ARF4: variants seen among roughly 807,000 people sequenced by gnomAD.
The protein encoded by ARF4 is ADP-ribosylation factor 4.
In ARF4, 5 loss-of-function variants were observed where a neutral mutation model predicts 24.3. The observed-to-expected ratio is 0.21, with a 90% CI of 0.11 to 0.43. The LOEUF is 0.43. Ranked by LOEUF, ARF4 falls within the 20% of genes least tolerant of loss-of-function variation. The pLI, the probability that ARF4 is intolerant of heterozygous loss-of-function variation, is 1.00. For missense variants in ARF4, 107 were observed against 213.0 expected (o/e 0.50, Z 3.10); for synonymous variants, 62 against 73.5 (o/e 0.84, Z 0.80).
chr3:57,578,313 G>A lies in ARF4; in HGVS notation c.259-926C>T, dbSNP rs143795262. Among the ~76,000 whole-genome samples, 399 of 151,516 alleles carry A rather than the reference G, an allele frequency of 2.6e-3. 1 individual carries two copies. Among genetic ancestry groups the A allele is most frequent in the African/African-American group, 9.2e-3 (382 of 41,368 alleles). ...CTCACTCCTGTAATCCCAGCACTATGGGAAGCCAAGGCAGGAGGATCACTG... is the reference window on the plus strand; with the variant it reads ...CTCACTCCTGTAATCCCAGCACTATAGGAAGCCAAGGCAGGAGGATCACTG... On this transcript the variant is annotated intron_variant, in intron 3 of 5. Transcript: ENST00000303436.
chr3:57,593,693 TAAC>T (rs1429752743), intron 1 of ARF4, among the ~76,000 whole-genome samples: 1 of 152,306 alleles, frequency 6.6e-6, no homozygotes, highest in Non-Finnish European at 1.5e-5. Flanking sequence ...AGGATTCACT[TAAC>T]AACATTACAT....
In ARF4 at chr3:57,579,034, C is replaced by T. The variant is rs576125932; in HGVS notation, c.259-1647G>A. 6.6e-4 allele frequency among the ~76,000 whole-genome samples: 101 copies of T among 152,066 alleles called. 3 individuals carry two copies. The South Asian group carries it at 0.021, about 31-fold the overall frequency. ...TAACGAGGCTGGTTGAGGTGGCTTT[C>T]GCCTGTAATCCCAGCATTCTGGGAG... On this transcript the variant is annotated intron_variant, in intron 3 of 5. Transcript: ENST00000303436.
chr3:57,590,699 G>A (rs779619208), intron 1 of ARF4, among the ~76,000 whole-genome samples: 1 of 151,928 alleles, frequency 6.6e-6, no homozygotes, highest in East Asian at 1.9e-4. Flanking sequence ...TGTTTTTTGA[G>A]ACAGGGTCTC....
rs75274038 is a variant in ARF4, at chr3:57,574,911, C to T, written c.456+637G>A. On this transcript the variant is annotated intron_variant, in intron 5 of 5. Transcript: ENST00000303436. ...TTGCCCAGGCTGGAGTGCAGTGGCG[C>T]GATCGCGACTCACCGCAACCTCCAC... is the stretch of plus-strand genomic sequence containing the variant. Among the ~76,000 whole-genome samples the T allele has an allele frequency of 0.011, 1,656 of 150,732 alleles. 59 individuals carry two copies. In the East Asian group the frequency reaches 0.12, roughly 11 times the overall value.
intron 3 of ARF4, among the ~76,000 whole-genome samples, chr3:57,578,938 T>A (rs1039761778): frequency 5.3e-5 from 8 of 152,094 alleles, no homozygotes; most frequent in African/African-American, 1.7e-4. Context: ...AAGATAAACC[T>A]TGACTCCTAA....
intron 1 of ARF4, among the ~76,000 whole-genome samples, chr3:57,593,564 A>T (rs2070140231): frequency 6.6e-6 from 1 of 152,224 alleles, no homozygotes; most frequent in Admixed American, 6.5e-5. Context: ...CAAACTTTTT[A>T]AAAGTAACAC....
chr3:57,593,484 C>T (rs2070139472), intron 1 of ARF4, among the ~76,000 whole-genome samples: 2 of 152,190 alleles, frequency 1.3e-5, no homozygotes, highest in South Asian at 4.1e-4. Context: ...CATCTCTAGA[C>T]CCCCAAAACC....
rs2069841091 is a variant in ARF4, at chr3:57,571,396, C to T, written c.*816G>A. 6.6e-6 allele frequency: 1 copy of T among 152,426 alleles called. No individual in the cohort carries two copies. The highest frequency in any genetic ancestry group is 2.4e-5 in the African/African-American group (1 of 41,360). 9.4% of individuals were successfully genotyped at this position (152,426 alleles called of 1,614,324 possible). A position where few individuals can be genotyped will look rare whatever the true frequency, so the allele number is the denominator to read the frequency against. ...TTTATCATTTTATTAGGAATAATTC[C>T]AAATGGGTTATGAAGAAAATGTATT... On this transcript the variant is annotated 3_prime_UTR_variant, in exon 6 of 6. Coordinates refer to ENST00000303436, the MANE Select transcript of ARF4 (RefSeq NM_001660.4).
chr3:57,597,224 C>G lies in ARF4; in HGVS notation c.-84G>C. The G allele has an allele frequency of 5.2e-6, 7 of 1,339,892 alleles. No homozygotes were observed. Among genetic ancestry groups the G allele is most frequent in the Non-Finnish European group, 7.4e-6 (7 of 946,966 alleles). The allele number at this position is 1,339,892 out of a possible 1,614,324, so 83.0% of individuals were successfully genotyped here. ...TTCTCCTTTCAAGCTCCCAGGCAAA[C>G]TAAACGAGAGGGAAGAGAAAGAGCG... is the stretch of plus-strand genomic sequence containing the variant. On this transcript the variant is annotated 5_prime_UTR_variant, in exon 1 of 6. Coordinates refer to ENST00000303436, the MANE Select transcript of ARF4 (RefSeq NM_001660.4).
intron 3 of ARF4, among the ~76,000 whole-genome samples, chr3:57,580,938 A>G (rs1473598504): frequency 1.3e-5 from 2 of 152,130 alleles, no homozygotes; most frequent in East Asian, 1.9e-4. Flanking sequence ...AAATAATGCT[A>G]TCAGTCCCAA....
Position 57,572,120 on chromosome 3 carries a change from A to C in ARF4, c.*92T>G. The C allele has an allele frequency of 1.0e-6, 1 of 959,312 alleles. No homozygotes were observed. The allele number at this position is 959,312 out of a possible 1,614,324, so 59.4% of individuals were successfully genotyped here. ...TATTCTGCCCAAACCAGTCCCAGAT[A>C]CTGTTTAATAACCAAGATACAAACT... On this transcript the variant is annotated 3_prime_UTR_variant, in exon 6 of 6. Transcript: ENST00000303436.
chr3:57,583,773 G>T, intron 3 of ARF4, 125 bp downstream of exon 3: 1 of 694,756 alleles, frequency 1.4e-6, no homozygotes, highest in Non-Finnish European at 2.5e-6. Context: ...GAATGTGGAA[G>T]TGGTGATAAG....
chr3:57,584,050 G>A (rs572061571), intron 2 of ARF4, 43 bp from the exon 3 acceptor site: 1 of 1,326,738 alleles, frequency 7.5e-7, no homozygotes, highest in Admixed American at 2.0e-5. Context: ...GCGTCATTAA[G>A]AAAATAAAAC....
chr3:57,597,285 C>A lies in ARF4; in HGVS notation c.-145G>T. ...GAGGGAGGCAGAAACGTCTCAGTGGCCCCTGTGCCGATGAAGATCCGGCAC... is the reference window on the plus strand; with the variant it reads ...GAGGGAGGCAGAAACGTCTCAGTGGACCCTGTGCCGATGAAGATCCGGCAC... On this transcript the variant is annotated 5_prime_UTR_variant, in exon 1 of 6. Transcript: ENST00000303436. The A allele has an allele frequency of 2.8e-6, 2 of 726,452 alleles. 1 individual carries two copies. The highest frequency in any genetic ancestry group is 3.6e-5 in the South Asian group (2 of 55,590). 45.0% of individuals were successfully genotyped at this position (726,452 alleles called of 1,614,324 possible). A position where few individuals can be genotyped will look rare whatever the true frequency, so the allele number is the denominator to read the frequency against.
intron 3 of ARF4, among the ~76,000 whole-genome samples, chr3:57,579,712 C>T (rs1253385592): frequency 2.6e-5 from 4 of 152,166 alleles, no homozygotes; most frequent in African/African-American, 9.7e-5. Context: ...ATTGTAAGTC[C>T]ATTTCCTTTA....
chr3:57,586,557 T>C (rs1165275489), intron 1 of ARF4, among the ~76,000 whole-genome samples: 1 of 152,198 alleles, frequency 6.6e-6, no homozygotes, highest in Non-Finnish European at 1.5e-5. Context: ...TGTAAAACCC[T>C]GTTCCCCACT....
At chr3:57,596,894 G>A in intron 1 of ARF4, 180 bp downstream of exon 1, 1 of 622,872 alleles carries the variant, frequency 1.6e-6, no homozygotes, top group East Asian at 2.9e-5. Flanking sequence ...ACAGATCGGG[G>A]GCGGGGGGGA....
In ARF4 at chr3:57,584,445, G is replaced by A. The variant is rs1177917262; in HGVS notation, c.87C>T (p.Gly29=). 4 of 1,613,224 alleles carry A rather than the reference G, an allele frequency of 2.5e-6. No homozygotes were observed. The highest frequency in any genetic ancestry group is 1.3e-5 in the African/African-American group (1 of 74,898). ...RILMVGLDAA[G]KTTILYKLKL... The stretch of plus-strand genomic sequence containing the variant: ...TCAGTTTATACAGAATGGTTGTCTT[G>A]CCAGCAGCATCCAATCCAACTAGAA... The change falls in exon 2 of 6, where the codon GGC becomes GGT. Residue 29 remains glycine (G), a synonymous_variant. Transcript: ENST00000303436.
At chr3:57,590,676 A>C (rs1471746206) in intron 1 of ARF4, among the ~76,000 whole-genome samples, 1 of 152,066 alleles carries the variant, frequency 6.6e-6, no homozygotes, top group Non-Finnish European at 1.5e-5. Context: ...GTGTGTGTAC[A>C]TATATATACA....
Sources: allele counts gnomAD v4.1 joint callset (sites outside exome capture counted in the v4.1 genomes callset), GRCh38; gene constraint gnomAD v4.1.1; transcripts MANE v1.5; gene names NCBI Gene and HGNC (gene_info 2026-07-23, HGNC 2026-07-21).